ACYP2: variants seen among roughly 807,000 people sequenced by gnomAD.
ACYP2 encodes acylphosphatase 2.
In ACYP2, 12 loss-of-function variants were observed where a neutral mutation model predicts 11.2. The ratio of observed to expected loss-of-function variants is 1.08; its 90% CI spans 0.69 to 1.74. The LOEUF is 1.74. ACYP2 is among the 40% of genes most tolerant of loss of function. The pLI is 0.00. For missense variants in ACYP2, 134 were observed against 101.9 expected (o/e 1.31, Z -1.35); for synonymous variants, 43 against 32.2 (o/e 1.33, Z -1.13).
chr2:54,237,893 C>T (rs1686559743), intron 6 of ACYP2, among the ~76,000 whole-genome samples: 1 of 152,104 alleles, frequency 6.6e-6, no homozygotes, highest in Non-Finnish European at 1.5e-5. Context: ...TCTGGACATG[C>T]ATGAATGGGC....
chr2:54,255,909 A>G (rs747812434), intron 6 of ACYP2: 3 of 1,613,944 alleles, frequency 1.9e-6, no homozygotes, highest in South Asian at 2.2e-5. Flanking sequence ...TGATGGCTCC[A>G]TGACTGCGAC....
At chr2:54,253,374 C>G (rs1326719404) in intron 6 of ACYP2, 2 of 152,078 alleles carry the variant, frequency 1.3e-5, no homozygotes, top group African/African-American at 2.4e-5. Flanking sequence ...CCAAATATTT[C>G]TATTTGAAAG....
At chr2:54,287,141 C>T (rs1689111481) in intron 6 of ACYP2, among the ~76,000 whole-genome samples, 1 of 151,856 alleles carries the variant, frequency 6.6e-6, no homozygotes, top group Non-Finnish European at 1.5e-5. Flanking sequence ...CTTGGATGTC[C>T]AAGATCAAAG....
chr2:54,289,566 G>A (rs1025510820), intron 6 of ACYP2, among the ~76,000 whole-genome samples: 1 of 151,932 alleles, frequency 6.6e-6, no homozygotes, highest in Non-Finnish European at 1.5e-5. Context: ...AGTACAAAAA[G>A]GAAAACGTTT....
At chr2:54,230,724 TCCA>T (rs989447962) in intron 6 of ACYP2, among the ~76,000 whole-genome samples, 3 of 151,812 alleles carry the variant, frequency 2.0e-5, no homozygotes, top group Non-Finnish European at 4.4e-5. Flanking sequence ...TTAGACAAAC[TCCA>T]CCAATTGTCA....
chr2:54,094,938 G>T (rs947792083), intron 4 of ACYP2, among the ~76,000 whole-genome samples: 1 of 151,482 alleles, frequency 6.6e-6, no homozygotes, highest in Non-Finnish European at 1.5e-5. Context: ...TCACAGAGGG[G>T]GATTTGGCAG....
At chr2:54,262,754 C>T (rs1420408745) in intron 6 of ACYP2, among the ~76,000 whole-genome samples, 1 of 151,730 alleles carries the variant, frequency 6.6e-6, no homozygotes, top group Non-Finnish European at 1.5e-5. Context: ...GGATGGCAAA[C>T]TGTAGTTTTT....
intron 4 of ACYP2, among the ~76,000 whole-genome samples, chr2:54,111,514 T>C (rs1305081673): frequency 6.6e-6 from 1 of 152,194 alleles, no homozygotes; most frequent in Non-Finnish European, 1.5e-5. Context: ...TGGGACAGAA[T>C]CTCCTTCTGG....
chr2:53,972,949 G>A (rs778784174), intron 1 of ACYP2, among the ~76,000 whole-genome samples: 1 of 152,096 alleles, frequency 6.6e-6, no homozygotes. Context: ...GTAGATGGAC[G>A]ACAGGAGGGA....
intron 4 of ACYP2, among the ~76,000 whole-genome samples, chr2:54,117,202 AATT>A (rs1321395385): frequency 5.9e-5 from 9 of 152,346 alleles, no homozygotes; most frequent in South Asian, 2.1e-4. Context: ...TTATTATTGA[AATT>A]ATTATTAGAA....
chr2:54,143,105 A>G (rs532621196), intron 6 of ACYP2: 179 of 152,342 alleles, frequency 1.2e-3, no homozygotes, highest in African/African-American at 4.1e-3. Context: ...CAGTTATGCA[A>G]TTAGTAAAAA....
intron 6 of ACYP2, among the ~76,000 whole-genome samples, chr2:54,167,314 G>A (rs1251921903): frequency 6.6e-6 from 1 of 152,180 alleles, no homozygotes; most frequent in East Asian, 1.9e-4. Context: ...ATTGAGGACA[G>A]CTTTGAACAG....
rs373618833 is a variant in ACYP2, at chr2:54,039,763, G to T, written c.63-11195G>T. On this transcript the variant is annotated intron_variant, in intron 2 of 6. Coordinates refer to ENST00000607452, the MANE Select transcript of ACYP2 (RefSeq NM_001320586.2). Reference sequence around the variant, plus strand: ...TTTTGAGCAGAAGAGTGATCTTCTTGAATTTATGTTTTTATCGGTGTCACT... The same window carrying T: ...TTTTGAGCAGAAGAGTGATCTTCTTTAATTTATGTTTTTATCGGTGTCACT... Among the ~76,000 whole-genome samples the T allele has an allele frequency of 2.6e-4, 39 of 150,456 alleles. 1 individual carries two copies. The South Asian group carries it at 7.5e-3, about 29-fold the overall frequency.
At chr2:54,091,763 C>T (rs1213614200) in intron 4 of ACYP2, among the ~76,000 whole-genome samples, 1 of 152,146 alleles carries the variant, frequency 6.6e-6, no homozygotes, top group Admixed American at 6.5e-5. Context: ...CCACCCGTCT[C>T]GGCCTCCCAA....
chr2:54,114,726 C>G (rs1679654836), intron 4 of ACYP2, among the ~76,000 whole-genome samples: 1 of 152,192 alleles, frequency 6.6e-6, no homozygotes, highest in African/African-American at 2.4e-5. Context: ...ACTGTATGAA[C>G]AGCAGACAAG....
In ACYP2 at chr2:54,114,588, G is replaced by T. The variant is rs191538829; in HGVS notation, c.278-20865G>T. Among the ~76,000 whole-genome samples the T allele has an allele frequency of 5.3e-4, 80 of 152,292 alleles. 1 individual carries two copies. The highest frequency in any genetic ancestry group is 1.8e-3 in the African/African-American group (76 of 41,568). On this transcript the variant is annotated intron_variant, in intron 4 of 6. Coordinates refer to ENST00000607452, the MANE Select transcript of ACYP2 (RefSeq NM_001320586.2). Reference sequence around the variant, plus strand: ...AATCCCAGCTACTTGGAAGGCTGAGGCAGGACAATTTCTTGAACCTGGGAG... The same window carrying T: ...AATCCCAGCTACTTGGAAGGCTGAGTCAGGACAATTTCTTGAACCTGGGAG...
At chr2:54,192,769 G>T (rs868391990) in intron 6 of ACYP2, among the ~76,000 whole-genome samples, 1 of 152,164 alleles carries the variant, frequency 6.6e-6, no homozygotes, top group South Asian at 2.1e-4. Flanking sequence ...TGGCTAGGGA[G>T]GCCTGAGGAA....
chr2:54,120,926 A>T (rs1680115223), intron 4 of ACYP2, among the ~76,000 whole-genome samples: 1 of 152,020 alleles, frequency 6.6e-6, no homozygotes, highest in Non-Finnish European at 1.5e-5. Flanking sequence ...ACTGTCGTTC[A>T]TTTCTGCTGT....
chr2:53,995,354 T>C (rs1672519783), intron 2 of ACYP2, among the ~76,000 whole-genome samples: 1 of 152,160 alleles, frequency 6.6e-6, no homozygotes, highest in Non-Finnish European at 1.5e-5. Context: ...TACAGTGACC[T>C]TGGTGTTTTT....
Sources: gnomAD v4.1 joint callset for allele counts (sites outside exome capture counted in the v4.1 genomes callset) on GRCh38, gnomAD v4.1.1 for gene constraint, MANE v1.5 for transcripts, NCBI Gene and HGNC (gene_info 2026-07-23, HGNC 2026-07-21) for gene names.